The following ALDH1L1 variants were observed in gnomAD, a reference collection of about 807,000 sequenced individuals.
ALDH1L1 encodes cytosolic 10-formyltetrahydrofolate dehydrogenase.
ALDH1L1 carries 68 observed loss-of-function variants against 101.1 expected under a neutral mutation model. The observed-to-expected ratio is 0.67, with a 90% confidence interval of 0.55 to 0.82. The LOEUF (loss-of-function observed/expected upper bound fraction) is 0.82. Ranked by LOEUF, ALDH1L1 falls within the 40% of genes least tolerant of loss-of-function variation. The pLI is 0.00. For synonymous variants in ALDH1L1, 486 were observed against 470.8 expected (o/e 1.03, Z -0.42); for missense variants, 1,087 against 1,172.7 (o/e 0.93, Z 1.07).
chr3:126,195,816 C>T (rs1295265510), intron 1 of ALDH1L1, among the ~76,000 whole-genome samples: 1 of 152,178 alleles, frequency 6.6e-6, no homozygotes, highest in Non-Finnish European at 1.5e-5. Flanking sequence ...TTTGTAGGGA[C>T]ATGGATGAAG....
chr3:126,114,922 G>A, intron 17 of ALDH1L1: 1 of 540,744 alleles, frequency 1.8e-6, no homozygotes, highest in Non-Finnish European at 3.6e-6. Flanking sequence ...TTTCCTGCAG[G>A]CCTGTGTTCC....
intron 1 of ALDH1L1, among the ~76,000 whole-genome samples, chr3:126,162,714 C>G (rs2081086514): frequency 6.6e-6 from 1 of 152,098 alleles, no homozygotes; most frequent in African/African-American, 2.4e-5. Flanking sequence ...TTTTATCAAA[C>G]ATTTCCTTTA....
At chr3:126,189,850 C>G (rs569632857) in intron 1 of ALDH1L1, among the ~76,000 whole-genome samples, 1 of 152,144 alleles carries the variant, frequency 6.6e-6, no homozygotes, top group Non-Finnish European at 1.5e-5. Flanking sequence ...TCTGATTCCC[C>G]GCAAAGCCAA....
intron 3 of ALDH1L1, 59 bp downstream of exon 3, chr3:126,158,346 G>A (rs2080959043): frequency 1.4e-6 from 2 of 1,437,374 alleles, no homozygotes; most frequent in Non-Finnish European, 1.9e-6. Context: ...AAAGTGACAA[G>A]TCAGGCTGAT....
chr3:126,150,601 C>T, intron 7 of ALDH1L1, 70 bp from the exon 8 acceptor site: 1 of 1,489,184 alleles, frequency 6.7e-7, no homozygotes, highest in East Asian at 2.7e-5. Context: ...GTTGCCCAGG[C>T]TGGAGTGCAG....
chr3:126,141,727 G>T (rs906812654), intron 9 of ALDH1L1, among the ~76,000 whole-genome samples: 1 of 151,870 alleles, frequency 6.6e-6, no homozygotes, highest in Non-Finnish European at 1.5e-5. Flanking sequence ...AAGTTTACAG[G>T]TGTAAATACA....
intron 1 of ALDH1L1, among the ~76,000 whole-genome samples, chr3:126,172,144 C>G (rs190582187): frequency 6.6e-6 from 1 of 152,166 alleles, no homozygotes; most frequent in Non-Finnish European, 1.5e-5. Context: ...ACCTCAGTAC[C>G]TTTTACCCAA....
chr3:126,144,540 T>C (rs1354414048), intron 9 of ALDH1L1, among the ~76,000 whole-genome samples: 1 of 152,082 alleles, frequency 6.6e-6, no homozygotes, highest in Non-Finnish European at 1.5e-5. Flanking sequence ...AGCCTAGAAA[T>C]AAACCTAAAC....
chr3:126,146,861 T>A lies in ALDH1L1; in HGVS notation c.1050A>T (p.Ser350=). The change falls in exon 9 of 23, where the codon TCA becomes TCT. Residue 350 remains serine, a synonymous_variant. Coordinates refer to ENST00000393434, the MANE Select transcript of ALDH1L1 (RefSeq NM_012190.4). ...EVEDSTDFFK[S]GAASVDVVRL... is the part of the protein sequence containing the mutation. Reference sequence around the variant, plus strand: ...TCACAACGTCCACAGACGCGGCCCCTGACTTGAAGAAATCAGTGGAGTCTT... The same window carrying A: ...TCACAACGTCCACAGACGCGGCCCCAGACTTGAAGAAATCAGTGGAGTCTT... 1 of 1,614,080 alleles carries A rather than the reference T, an allele frequency of 6.2e-7. No homozygotes were observed.
chr3:126,111,387 C>T (rs533569811), intron 19 of ALDH1L1, among the ~76,000 whole-genome samples: 11 of 152,362 alleles, frequency 7.2e-5, no homozygotes, highest in South Asian at 4.1e-4. Context: ...CCCAGGGCAA[C>T]GACAGCTGTC....
chr3:126,166,373 T>C (rs1013727874), intron 1 of ALDH1L1, among the ~76,000 whole-genome samples: 16 of 152,230 alleles, frequency 1.1e-4, no homozygotes, highest in African/African-American at 3.9e-4. Flanking sequence ...TCCTTTCATT[T>C]AACTTGGCAT....
intron 22 of ALDH1L1, 109 bp from the exon 23 acceptor site, chr3:126,103,955 C>CTGGAAGTGGGGTGAG: frequency 1.6e-6 from 2 of 1,267,266 alleles, no homozygotes; most frequent in Non-Finnish European, 1.1e-6. Context: ...TCTGGCTCAC[C>CTGGAAGTGGGGTGAG]CCACTTCCAG....
At chr3:126,183,888 A>T (rs1448168133), upstream of ALDH1L1, among the ~76,000 whole-genome samples, 1 of 152,164 alleles carries the variant, frequency 6.6e-6, no homozygotes, top group Non-Finnish European at 1.5e-5. Flanking sequence ...CAGTGGGATG[A>T]GGCTTTGAGG....
rs563549550 is a variant in ALDH1L1, at chr3:126,196,890, C to A, written c.-24+845G>T. On this transcript the variant is annotated intron_variant, in intron 1 of 2. Transcript: ENST00000509952. ...TTAGCTACTGAGCTACAATACTGGG[C>A]AGTCTCCATCGCCCTTCCCAGAAGG... 5.9e-5 allele frequency among the ~76,000 whole-genome samples: 9 copies of A among 152,342 alleles called. No homozygotes were observed. In the East Asian group the frequency reaches 1.5e-3, roughly 26 times the overall value.
intron 1 of ALDH1L1, among the ~76,000 whole-genome samples, chr3:126,178,758 G>GTGTGTC (rs1205689539): frequency 6.6e-6 from 1 of 152,006 alleles, no homozygotes; most frequent in African/African-American, 2.4e-5. Flanking sequence ...GTGTGTGTGT[G>GTGTGTC]TGTGTGTGTC....
chr3:126,149,787 C>T lies in ALDH1L1; in HGVS notation c.984+619G>A, dbSNP rs74347969. ...CAGGGAGGCCTCTGCCCTGTTAGGG[C>T]CTTGCCATTTGCTGTTCCTTCTCTC... On this transcript the variant is annotated intron_variant, in intron 8 of 22. Transcript: ENST00000393434. 6.6e-3 allele frequency among the ~76,000 whole-genome samples: 1,008 copies of T among 152,302 alleles called. 20 individuals are homozygous for T. The highest frequency in any genetic ancestry group is 0.062 in the East Asian group (320 of 5,174).
rs1290268857 is a variant in ALDH1L1, at chr3:126,157,236, A to T, written c.528+107T>A. The T allele has an allele frequency of 1.2e-5, 17 of 1,380,702 alleles. No homozygotes were observed. The East Asian group carries it at 4.0e-4, about 32-fold the overall frequency. 85.5% of individuals were successfully genotyped at this position (1,380,702 alleles called of 1,614,324 possible). ...GAGCTCCTCTCCCTCCAGAATCCTG[A>T]ATTTGGGGAACAGATTCCTGGCCTC... On this transcript the variant is annotated intron_variant, in intron 4 of 22. Coordinates refer to ENST00000393434, the MANE Select transcript of ALDH1L1 (RefSeq NM_012190.4).
At chr3:126,133,370 C>G (rs2080354280) in intron 12 of ALDH1L1, among the ~76,000 whole-genome samples, 1 of 152,204 alleles carries the variant, frequency 6.6e-6, no homozygotes, top group Non-Finnish European at 1.5e-5. Flanking sequence ...TTGGGACAGT[C>G]TCACTGCTCG....
chr3:126,158,306 T>C (rs995643010), intron 3 of ALDH1L1, 99 bp downstream of exon 3: 5 of 1,209,664 alleles, frequency 4.1e-6, no homozygotes, highest in Admixed American at 4.8e-5. Context: ...ATGCCCACTC[T>C]GCAGCCCTAG....
Sources: allele counts gnomAD v4.1 joint callset (sites outside exome capture counted in the v4.1 genomes callset), GRCh38; gene constraint gnomAD v4.1.1; transcripts MANE v1.5; gene names NCBI Gene and HGNC (gene_info 2026-07-23, HGNC 2026-07-21).